EPHA3: variants seen among roughly 807,000 people sequenced by gnomAD.
EPHA3 encodes EPH receptor A3, also known as ephrin type-A receptor 3.
Under a neutral mutation model 107.1 loss-of-function variants are expected in EPHA3, and 42 were observed. The observed-to-expected ratio is 0.39, with a 90% CI of 0.31 to 0.51. The LOEUF (loss-of-function observed/expected upper bound fraction) is 0.51, where lower values mean the gene tolerates loss of function less well. Ranked by LOEUF, EPHA3 falls within the 20% of genes least tolerant of loss-of-function variation. The pLI is 0.78. For synonymous variants in EPHA3, 461 were observed against 424.8 expected, an observed-to-expected ratio of 1.09 and a Z score of -1.05; for missense variants, 1,183 against 1,211.2, an observed-to-expected ratio of 0.98 and a Z score of 0.35.
intron 13 of EPHA3, among the ~76,000 whole-genome samples, chr3:89,441,096 A>G (rs181668873): frequency 4.9e-4 from 74 of 152,328 alleles, no homozygotes; most frequent in African/African-American, 1.7e-3. Context: ...AGAGGTTAAG[A>G]CACCTGGCTA....
At chr3:89,293,890 T>C (rs1418498639) in intron 3 of EPHA3, among the ~76,000 whole-genome samples, 2 of 152,180 alleles carry the variant, frequency 1.3e-5, no homozygotes, top group East Asian at 1.9e-4. Flanking sequence ...ATCTCTGTAG[T>C]TGTAGTGTGA....
At chr3:89,318,052 A>G (rs1221448923) in intron 3 of EPHA3, among the ~76,000 whole-genome samples, 1 of 151,846 alleles carries the variant, frequency 6.6e-6, no homozygotes, top group Admixed American at 6.6e-5. Context: ...AGGCATCAAT[A>G]ATATAGCAGC....
intron 3 of EPHA3, among the ~76,000 whole-genome samples, chr3:89,306,399 C>G (rs930791352): frequency 3.3e-5 from 5 of 152,120 alleles, no homozygotes; most frequent in African/African-American, 1.2e-4. Flanking sequence ...TCATGAAAGA[C>G]CAAAGTAGAA....
chr3:89,139,095 T>A (rs886557256), intron 2 of EPHA3, among the ~76,000 whole-genome samples: 21 of 152,004 alleles, frequency 1.4e-4, no homozygotes, highest in South Asian at 4.2e-4. Context: ...GCTAATTTTT[T>A]AAAAAATGTA....
chr3:89,397,696 G>C (rs922106196), intron 6 of EPHA3, among the ~76,000 whole-genome samples: 7 of 149,386 alleles, frequency 4.7e-5, no homozygotes, highest in African/African-American at 1.7e-4. Context: ...CGATTCTCCT[G>C]CCTCAGCCTC....
chr3:89,232,768 A>G (rs564763735), intron 3 of EPHA3, among the ~76,000 whole-genome samples: 10 of 152,334 alleles, frequency 6.6e-5, no homozygotes, highest in African/African-American at 2.4e-4. Context: ...GAAGTGCTCT[A>G]TAATTAATCC....
intron 3 of EPHA3, among the ~76,000 whole-genome samples, chr3:89,235,300 A>G (rs1177973472): frequency 6.6e-6 from 1 of 152,116 alleles, no homozygotes; most frequent in Non-Finnish European, 1.5e-5. Flanking sequence ...TTAAAAGTGC[A>G]TTCTTTTCTT....
At chr3:89,259,511 A>G (rs933669817) in intron 3 of EPHA3, among the ~76,000 whole-genome samples, 26 of 152,212 alleles carry the variant, frequency 1.7e-4, no homozygotes, top group African/African-American at 6.3e-4. Flanking sequence ...TTGTGTGAAA[A>G]GTGGGGCATG....
chr3:89,391,382 T>C (rs1042331945), intron 5 of EPHA3, among the ~76,000 whole-genome samples: 26 of 138,426 alleles, frequency 1.9e-4, no homozygotes, highest in East Asian at 4.1e-4. Flanking sequence ...TATTTGTATT[T>C]TTTTCTTTTC....
intron 2 of EPHA3, among the ~76,000 whole-genome samples, chr3:89,208,423 G>GAAGAAAGAAAGAAAGAAAGAAAGA (rs745313705): frequency 5.3e-5 from 2 of 37,554 alleles, no homozygotes; most frequent in African/African-American, 1.4e-4. Context: ...AGGAAGGAAG[G>GAAGAAAGAAAGAAAGAAAGAAAGA]AAGAAAGAAA....
intron 6 of EPHA3, 151 bp from the exon 7 acceptor site, chr3:89,399,167 A>C (rs539540875): frequency 1.3e-6 from 1 of 796,394 alleles, no homozygotes; most frequent in Non-Finnish European, 1.8e-6. Flanking sequence ...CAGAGAATAA[A>C]ATAATTGAAA....
At chr3:89,460,567 C>T (rs1376820838) in intron 15 of EPHA3, among the ~76,000 whole-genome samples, 3 of 149,378 alleles carry the variant, frequency 2.0e-5, no homozygotes, top group South Asian at 2.1e-4. Context: ...TGAAAATAAA[C>T]AAGTATTAGT....
Position 89,303,122 on chromosome 3 carries a change from C to T in EPHA3, c.815-37794C>T, listed in dbSNP as rs113355513. On this transcript the variant is annotated intron_variant, in intron 3 of 16. Coordinates refer to ENST00000336596, the MANE Select transcript of EPHA3 (RefSeq NM_005233.6). ...TGTTGCCCATGTTGGTCTTGAGCTC[C>T]TAGGCTCAAGCAGTCCACCCACCTT... Among the ~76,000 whole-genome samples, 725 of 152,194 alleles carry T rather than the reference C, an allele frequency of 4.8e-3. 6 individuals are homozygous for T. The highest frequency in any genetic ancestry group is 0.017 in the African/African-American group (695 of 41,530).
chr3:89,372,716 T>C (rs1258977568), intron 5 of EPHA3, among the ~76,000 whole-genome samples: 1 of 151,794 alleles, frequency 6.6e-6, no homozygotes, highest in Non-Finnish European at 1.5e-5. Flanking sequence ...TTGAACAGCT[T>C]AGTCTCTGTC....
intron 3 of EPHA3, among the ~76,000 whole-genome samples, chr3:89,309,793 T>C (rs542857111): frequency 6.6e-6 from 1 of 152,230 alleles, no homozygotes; most frequent in African/African-American, 2.4e-5. Context: ...AGTAAATAAT[T>C]AAATACAAAT....
chr3:89,202,095 T>G (rs1705980577), intron 2 of EPHA3, among the ~76,000 whole-genome samples: 1 of 152,140 alleles, frequency 6.6e-6, no homozygotes, highest in African/African-American at 2.4e-5. Context: ...CACATGATAA[T>G]CTTTCCTTTC....
At chr3:89,435,537 A>G (rs1709650343) in intron 13 of EPHA3, among the ~76,000 whole-genome samples, 1 of 146,250 alleles carries the variant, frequency 6.8e-6, no homozygotes, top group Non-Finnish European at 1.5e-5. Context: ...TAAATACTAT[A>G]TCTATATAAA....
intron 3 of EPHA3, among the ~76,000 whole-genome samples, chr3:89,289,973 A>G (rs1376537963): frequency 5.3e-5 from 8 of 152,104 alleles, no homozygotes. Flanking sequence ...CCTCAGAGGT[A>G]CCTAATGTAA....
intron 5 of EPHA3, among the ~76,000 whole-genome samples, chr3:89,351,418 G>A (rs1707815958): frequency 6.6e-6 from 1 of 150,732 alleles, no homozygotes; most frequent in African/African-American, 2.4e-5. Flanking sequence ...ACTCGGAAAG[G>A]GAACTCCCTG....
Sources: gnomAD v4.1 joint callset for allele counts (sites outside exome capture counted in the v4.1 genomes callset) on GRCh38, gnomAD v4.1.1 for gene constraint, MANE v1.5 for transcripts, NCBI Gene and HGNC (gene_info 2026-07-23, HGNC 2026-07-21) for gene names.